HUS1: variants seen among roughly 807,000 people sequenced by gnomAD.
HUS1 encodes checkpoint protein HUS1.
A neutral mutation model predicts 32.6 loss-of-function variants in HUS1; 31 were observed. The ratio of observed to expected loss-of-function variants is 0.95; its 90% CI spans 0.72 to 1.28. The LOEUF (loss-of-function observed/expected upper bound fraction) is 1.28, where lower values mean the gene tolerates loss of function less well. Among genes scored for constraint, HUS1 ranks in the 50% most tolerant of loss-of-function variants. HUS1 has a pLI of 0.00. For synonymous variants in HUS1, 123 were observed against 116.6 expected, an observed-to-expected ratio of 1.06 and a Z score of -0.36; for missense variants, 340 against 337.7, an observed-to-expected ratio of 1.01 and a Z score of -0.05.
intron 6 of HUS1, chr7:47,968,944 C>G (rs141338829): frequency 1.6e-5 from 5 of 318,160 alleles, no homozygotes; most frequent in Non-Finnish European, 2.3e-5. Context: ...TGGAAGGGAT[C>G]TTGGAGGTTA....
chr7:47,967,692 C>CTTT (rs10711783), intron 7 of HUS1, 114 bp downstream of exon 7: 62 of 694,166 alleles, frequency 8.9e-5, no homozygotes, highest in African/African-American at 7.8e-4. Flanking sequence ...CATAATTGAG[C>CTTT]TTTTTTTTTT....
At chr7:47,967,953 CA>C (rs1446625772) in intron 6 of HUS1, 28 bp from the exon 7 acceptor site, 1 of 1,600,120 alleles carries the variant, frequency 6.2e-7, no homozygotes. Context: ...CATTTAAATA[CA>C]ACATCTTCCC....
intron 7 of HUS1, 95 bp downstream of exon 7, chr7:47,967,711 A>C: frequency 6.1e-6 from 4 of 657,302 alleles, no homozygotes; most frequent in Non-Finnish European, 6.5e-6. Flanking sequence ...TTTTTTTTGG[A>C]TTTATGAGAC....
rs1480404659 is a variant in HUS1 at position 47,976,856 on chromosome 7, A to T, written c.358-19T>A. On this transcript the variant is annotated intron_variant, in intron 3 of 7. Transcript: ENST00000258774. ...TAGATAACTGCCAAGAAAAGAATTTAAAAATATTTTTATGTTGTTAATATT... is the reference window on the plus strand; with the variant it reads ...TAGATAACTGCCAAGAAAAGAATTTTAAAATATTTTTATGTTGTTAATATT... 1 of 1,518,788 alleles carries T rather than the reference A, an allele frequency of 6.6e-7. No individual in the cohort carries two copies. The highest frequency in any genetic ancestry group is 1.7e-5 in the Admixed American group (1 of 59,532). The allele number at this position is 1,518,788 out of a possible 1,614,324, so 94.1% of individuals were successfully genotyped here. A position where few individuals can be genotyped will look rare whatever the true frequency, so the allele number is the denominator to read the frequency against.
At chr7:47,978,031 C>A (rs553823399) in intron 3 of HUS1, among the ~76,000 whole-genome samples, 1 of 152,116 alleles carries the variant, frequency 6.6e-6, no homozygotes, top group Non-Finnish European at 1.5e-5. Context: ...ATAAAACATA[C>A]GTGTACTGAA....
chr7:47,976,315 G>A (rs999936021), intron 4 of HUS1: 7 of 457,528 alleles, frequency 1.5e-5, no homozygotes, highest in African/African-American at 1.0e-4. Context: ...GTTAACCATC[G>A]GCATGACCGT....
intron 5 of HUS1, chr7:47,971,425 G>A: frequency 2.2e-6 from 1 of 456,318 alleles, no homozygotes; most frequent in Non-Finnish European, 4.4e-6. Context: ...TTGCTGCCCG[G>A]GGACTGTCTC....
At chr7:47,969,876 T>A (rs918188859) in intron 5 of HUS1, among the ~76,000 whole-genome samples, 2 of 151,938 alleles carry the variant, frequency 1.3e-5, no homozygotes, top group Non-Finnish European at 2.9e-5. Flanking sequence ...AATTCTAGAG[T>A]CATTAAATTA....
At chr7:47,969,106 A>G in intron 6 of HUS1, 113 bp downstream of exon 6, 1 of 618,790 alleles carries the variant, frequency 1.6e-6, no homozygotes, top group South Asian at 2.0e-5. Flanking sequence ...TCACCCAAGC[A>G]TGAAACAAAG....
intron 3 of HUS1, 40 bp from the exon 4 acceptor site, chr7:47,976,877 A>C: frequency 7.3e-7 from 1 of 1,368,020 alleles, no homozygotes; most frequent in Non-Finnish European, 1.0e-6. Flanking sequence ...TATGTTGTTA[A>C]TATTAAGCAA....
Position 47,979,589 on chromosome 7 carries a change from G to C in HUS1, c.-70C>G. ...AAAGCGTCGCGCCCTGAGTGTCCCC[G>C]CCCGGAAACACGGCAGCGCGAACAG... On this transcript the variant is annotated 5_prime_UTR_variant, in exon 1 of 8. Transcript: ENST00000258774. The C allele has an allele frequency of 8.1e-7, 1 of 1,233,178 alleles. No homozygotes were observed. The highest frequency in any genetic ancestry group is 1.2e-6 in the Non-Finnish European group (1 of 842,790). The allele number at this position is 1,233,178 out of a possible 1,614,324, so 76.4% of individuals were successfully genotyped here. A position where few individuals can be genotyped will look rare whatever the true frequency, so the allele number is the denominator to read the frequency against.
intron 1 of HUS1, 175 bp downstream of exon 1, chr7:47,979,293 C>G (rs1583727481): frequency 2.4e-6 from 1 of 418,242 alleles, no homozygotes; most frequent in Non-Finnish European, 4.4e-6. Flanking sequence ...CGACCCGCCC[C>G]GCGCCCTCCC....
rs756512766 is a variant in HUS1 at position 47,979,523 on chromosome 7, C to G, written c.-4G>C. ...CGATCTTGGCCCGAAACTTCATGGC[C>G]GCGGATGGCGCAGCCGCGGCGGGCC... On this transcript the variant is annotated 5_prime_UTR_variant, in exon 1 of 8. Transcript: ENST00000258774. 1.9e-6 allele frequency: 3 copies of G among 1,607,740 alleles called. No homozygotes were observed. Among genetic ancestry groups the G allele is most frequent in the South Asian group, 1.1e-5 (1 of 91,020 alleles).
chr7:47,977,784 C>G (rs941471151), intron 3 of HUS1, among the ~76,000 whole-genome samples: 3 of 152,132 alleles, frequency 2.0e-5, no homozygotes, highest in African/African-American at 7.2e-5. Context: ...ATTCCAGCTA[C>G]TCAGGAGGCT....
chr7:47,976,343 A>C (rs772983739), intron 4 of HUS1: 1 of 459,032 alleles, frequency 2.2e-6, no homozygotes, highest in Non-Finnish European at 4.4e-6. Flanking sequence ...TGTTAGCCCT[A>C]AGCCATGAAA....
Position 47,976,845 on chromosome 7 carries a change from G to A in HUS1, c.358-8C>T, listed in dbSNP as rs2307252. ...ACTGCTTGACATAGATAACTGCCAAGAAAAGAATTTAAAAATATTTTTATG... is the reference window on the plus strand; with the variant it reads ...ACTGCTTGACATAGATAACTGCCAAAAAAAGAATTTAAAAATATTTTTATG... On this transcript the variant is annotated splice_region_variant and splice_polypyrimidine_tract_variant and intron_variant, in intron 3 of 7. Transcript: ENST00000258774. 0.12 allele frequency: 189,793 copies of A among 1,552,762 alleles called. 14,258 individuals are homozygous for A. The highest frequency in any genetic ancestry group is 0.32 in the African/African-American group (23,399 of 73,394).
Position 47,967,861 on chromosome 7 carries a change from C to A in HUS1, c.705G>T (p.Arg235Ser). Residue 235 changes from arginine to serine, a missense_variant, in exon 7 of 8, where the codon AGG becomes AGT. Arg to Ser is a moderately radical substitution (Grantham distance 110, BLOSUM62 -1). Coordinates refer to ENST00000258774, the MANE Select transcript of HUS1 (RefSeq NM_004507.4). ...GTCCAGCAAGAAACTGTAGGAGCTT[C>A]CTAATATCTATGTGCACTTCAGCCA... ...EHMAEVHIDI[R>S]KLLQFLAGQQ... 6.2e-7 allele frequency: 1 copy of A among 1,614,044 alleles called. No individual in the cohort carries two copies. Among genetic ancestry groups the A allele is most frequent in the Non-Finnish European group, 8.5e-7 (1 of 1,179,944 alleles).
chr7:47,976,589 A>G (rs1346900409), intron 4 of HUS1, 141 bp downstream of exon 4: 2 of 668,392 alleles, frequency 3.0e-6, no homozygotes, highest in South Asian at 1.7e-5. Context: ...CTTTATGTAA[A>G]TAACAAAAGG....
intron 1 of HUS1, 94 bp from the exon 2 acceptor site, chr7:47,978,910 T>C (rs778824418): frequency 1.7e-5 from 22 of 1,326,048 alleles, no homozygotes; most frequent in Non-Finnish European, 2.1e-5. Flanking sequence ...CATCAACTTC[T>C]CGGTGGAAAA....
Sources: allele counts gnomAD v4.1 joint callset (sites outside exome capture counted in the v4.1 genomes callset), GRCh38; gene constraint gnomAD v4.1.1; transcripts MANE v1.5; gene names NCBI Gene and HGNC (gene_info 2026-07-23, HGNC 2026-07-21).